SLC8A1: variants seen among roughly 807,000 people sequenced by gnomAD.
SLC8A1 encodes the protein solute carrier family 8 member A1, also known as sodium/calcium exchanger 1.
A neutral mutation model predicts 68.3 loss-of-function variants in SLC8A1; 18 were observed. The ratio of observed to expected loss-of-function variants is 0.26; its 90% CI spans 0.18 to 0.39. The LOEUF (loss-of-function observed/expected upper bound fraction) is 0.39, where lower values mean the gene tolerates loss of function less well. Ranked by LOEUF, SLC8A1 falls within the 10% of genes least tolerant of loss-of-function variation. SLC8A1 has a pLI of 1.00. For synonymous variants in SLC8A1, 475 were observed against 415.5 expected, an observed-to-expected ratio of 1.14 and a Z score of -1.74; for missense variants, 985 against 1,156.7, an observed-to-expected ratio of 0.85 and a Z score of 2.15.
At chr2:40,183,456 TA>T (rs1390598290) in intron 2 of SLC8A1, among the ~76,000 whole-genome samples, 2 of 152,194 alleles carry the variant, frequency 1.3e-5, no homozygotes, top group Non-Finnish European at 2.9e-5. Flanking sequence ...ATTGAGGAGA[TA>T]AAGGTTTAAT....
intron 2 of SLC8A1, among the ~76,000 whole-genome samples, chr2:40,277,115 T>C (rs1376844532): frequency 6.6e-6 from 1 of 152,162 alleles, no homozygotes; most frequent in South Asian, 2.1e-4. Context: ...GTTACTATAA[T>C]AAAAACCATA....
At chr2:40,494,294 T>A (rs1017553123) in intron 1 of SLC8A1, among the ~76,000 whole-genome samples, 1 of 151,944 alleles carries the variant, frequency 6.6e-6, no homozygotes, top group African/African-American at 2.4e-5. Flanking sequence ...AACTCTGGCT[T>A]CCAAAGAGGA....
chr2:40,414,089 G>C (rs907533438), intron 2 of SLC8A1, among the ~76,000 whole-genome samples: 11 of 151,442 alleles, frequency 7.3e-5, no homozygotes, highest in African/African-American at 2.7e-4. Flanking sequence ...CAATACCTTG[G>C]TTTCTCTAAT....
At chr2:40,173,493 T>C (rs2047919936) in intron 4 of SLC8A1, among the ~76,000 whole-genome samples, 1 of 148,854 alleles carries the variant, frequency 6.7e-6, no homozygotes, top group Admixed American at 6.6e-5. Context: ...AAATGCCATG[T>C]CTAGAGAGAA....
At chr2:40,204,268 G>C (rs879900941) in intron 2 of SLC8A1, among the ~76,000 whole-genome samples, 2 of 151,940 alleles carry the variant, frequency 1.3e-5, no homozygotes. Context: ...GATTACTCTA[G>C]GTGTATGTTT....
exon 8 of SLC8A1, chr2:40,113,385 T>A (rs371427287): frequency 6.5e-6 from 1 of 152,786 alleles, no homozygotes; most frequent in African/African-American, 2.4e-5. Context: ...CTCACTACTT[T>A]GGAATGTTGG....
At chr2:40,256,498 G>T (rs1425355693) in intron 2 of SLC8A1, among the ~76,000 whole-genome samples, 1 of 152,302 alleles carries the variant, frequency 6.6e-6, no homozygotes, top group Non-Finnish European at 1.5e-5. Context: ...TGCATAATGG[G>T]AGTGATTCTA....
exon 2 of SLC8A1, chr2:40,430,066 C>A: frequency 1.9e-6 from 3 of 1,613,744 alleles, no homozygotes; most frequent in Non-Finnish European, 2.5e-6. Context: ...AATTTTGTCC[C>A]CAAAAGAAGG....
At chr2:40,209,502 A>G (rs527870185) in intron 2 of SLC8A1, among the ~76,000 whole-genome samples, 1 of 152,226 alleles carries the variant, frequency 6.6e-6, no homozygotes, top group Non-Finnish European at 1.5e-5. Flanking sequence ...TCTGAGGGAA[A>G]TAGGGAGCCA....
intron 4 of SLC8A1, among the ~76,000 whole-genome samples, chr2:40,167,372 A>G (rs962520725): frequency 2.0e-5 from 3 of 152,134 alleles, no homozygotes; most frequent in Non-Finnish European, 2.9e-5. Context: ...TTTACTTTCT[A>G]TTTGTGGCAA....
chr2:40,497,789 A>G (rs941424642), intron 1 of SLC8A1, among the ~76,000 whole-genome samples: 2 of 152,078 alleles, frequency 1.3e-5, no homozygotes, highest in African/African-American at 4.8e-5. Context: ...TATTAAGTTA[A>G]TGAATTTGAA....
chr2:40,224,192 A>G lies in SLC8A1; in HGVS notation c.1809-46337T>C, dbSNP rs192096859. On this transcript the variant is annotated intron_variant, in intron 2 of 7. Transcript: ENST00000406785. ...ACTTAGCACCATACTCTTTTAATTG[A>G]ATAGCAAACGTATAGGCTTGGGATG... Among the ~76,000 whole-genome samples, 811 of 152,240 alleles carry G rather than the reference A, an allele frequency of 5.3e-3. 2 individuals carry two copies. Among genetic ancestry groups the G allele is most frequent in the Non-Finnish European group, 8.2e-3 (561 of 68,004 alleles).
At chr2:40,451,491 A>T (rs1380511020) in intron 1 of SLC8A1, among the ~76,000 whole-genome samples, 1 of 152,178 alleles carries the variant, frequency 6.6e-6, no homozygotes, top group Non-Finnish European at 1.5e-5. Flanking sequence ...AGAAGAGTCC[A>T]GTGGGTGGGG....
At chr2:40,167,532 A>C (rs1330884075) in intron 4 of SLC8A1, among the ~76,000 whole-genome samples, 1 of 152,214 alleles carries the variant, frequency 6.6e-6, no homozygotes, top group Admixed American at 6.5e-5. Context: ...ACAAAAATTA[A>C]GAAATATAGT....
At chr2:40,288,849 A>ATATATATATATATATATATATATATG (rs1553476848) in intron 2 of SLC8A1, among the ~76,000 whole-genome samples, 13 of 138,752 alleles carry the variant, frequency 9.4e-5, no homozygotes, top group African/African-American at 3.8e-4. Flanking sequence ...ATATATATAT[A>ATATATATATATATATATATATATATG]TATGTATATA....
intron 2 of SLC8A1, among the ~76,000 whole-genome samples, chr2:40,215,090 G>T (rs562019176): frequency 6.7e-4 from 102 of 152,236 alleles, no homozygotes; most frequent in African/African-American, 2.4e-3. Context: ...TAATTTAATA[G>T]TTTCAATTCT....
At chr2:40,473,712 T>C (rs1704124273) in intron 1 of SLC8A1, among the ~76,000 whole-genome samples, 1 of 152,174 alleles carries the variant, frequency 6.6e-6, no homozygotes, top group South Asian at 2.1e-4. Context: ...ACAGTATTAA[T>C]GAGATGGGTA....
chr2:40,420,751 A>G (rs1330276232), intron 2 of SLC8A1, among the ~76,000 whole-genome samples: 2 of 152,142 alleles, frequency 1.3e-5, no homozygotes, highest in Non-Finnish European at 2.9e-5. Flanking sequence ...CAGCTTGAGC[A>G]TGTGTTGAGG....
chr2:40,322,533 G>A (rs188712325), intron 2 of SLC8A1, among the ~76,000 whole-genome samples: 194 of 150,770 alleles, frequency 1.3e-3, no homozygotes, highest in African/African-American at 4.2e-3. Context: ...AAAATTAGAT[G>A]GGCATGGTGG....
Sources: allele counts gnomAD v4.1 joint callset (sites outside exome capture counted in the v4.1 genomes callset), GRCh38; gene constraint gnomAD v4.1.1; transcripts MANE v1.5; gene names NCBI Gene and HGNC (gene_info 2026-07-23, HGNC 2026-07-21).